The following ARHGEF4 variants were observed in gnomAD, a reference collection of about 807,000 sequenced individuals.
ARHGEF4 encodes Rho guanine nucleotide exchange factor 4, also known as APC-stimulated guanine nucleotide exchange factor 1.
Under a neutral mutation model 162.0 loss-of-function variants are expected in ARHGEF4, and 119 were observed. The observed-to-expected ratio is 0.73, with a 90% CI of 0.63 to 0.86. The LOEUF (loss-of-function observed/expected upper bound fraction) is 0.86, where lower values mean the gene tolerates loss of function less well. ARHGEF4 is among the 40% of genes least tolerant of loss of function. The pLI is 0.00. For synonymous variants in ARHGEF4, 1,014 were observed against 979.9 expected (o/e 1.03, Z -0.65); for missense variants, 2,488 against 2,456.0 (o/e 1.01, Z -0.28).
chr2:130,901,976 G>T (rs1680512587), intron 1 of ARHGEF4, among the ~76,000 whole-genome samples: 1 of 152,114 alleles, frequency 6.6e-6, no homozygotes, highest in Non-Finnish European at 1.5e-5. Flanking sequence ...GTTTTAAGTG[G>T]TTTACCCTGC....
At chr2:130,903,968 A>C (rs1012846791) in intron 1 of ARHGEF4, among the ~76,000 whole-genome samples, 11 of 152,234 alleles carry the variant, frequency 7.2e-5, no homozygotes, top group African/African-American at 2.7e-4. Context: ...GCTATTGTGA[A>C]TAGCACTACA....
At chr2:130,841,413 A>C (rs1460100658) in intron 1 of ARHGEF4, among the ~76,000 whole-genome samples, 1 of 148,776 alleles carries the variant, frequency 6.7e-6, no homozygotes, top group Non-Finnish European at 1.5e-5. Flanking sequence ...TACTACACAC[A>C]TCAGATAGGA....
chr2:131,045,966 T>G (rs1375291342), intron 13 of ARHGEF4, 72 bp from the exon 14 acceptor site: 4 of 1,549,828 alleles, frequency 2.6e-6, no homozygotes, highest in Admixed American at 1.8e-5. Flanking sequence ...ACGGACCCCA[T>G]GCTGTCCCCA....
intron 1 of ARHGEF4, among the ~76,000 whole-genome samples, chr2:130,857,242 AAAAAT>A (rs1681862785): frequency 6.7e-6 from 1 of 149,518 alleles, no homozygotes; most frequent in South Asian, 2.1e-4. Flanking sequence ...AAAAAAATAA[AAAAAT>A]AAAAAAGTTA....
chr2:131,028,186 G>A, intron 5 of ARHGEF4, 102 bp downstream of exon 5: 2 of 1,460,516 alleles, frequency 1.4e-6, no homozygotes, highest in Admixed American at 2.1e-5. Flanking sequence ...CACGTTCCAT[G>A]TGGCTGCTGG....
intron 1 of ARHGEF4, among the ~76,000 whole-genome samples, chr2:130,908,167 G>A (rs894021404): frequency 6.6e-5 from 10 of 151,952 alleles, no homozygotes; most frequent in African/African-American, 1.9e-4. Flanking sequence ...AGATCTTTTG[G>A]CTCCCAGGTT....
chr2:130,959,698 T>C (rs1303466182), intron 4 of ARHGEF4, among the ~76,000 whole-genome samples: 1 of 152,190 alleles, frequency 6.6e-6, no homozygotes, highest in African/African-American at 2.4e-5. Context: ...TTCCTATTTG[T>C]GGATAAGGAG....
chr2:130,964,149 C>G, intron 4 of ARHGEF4: 1 of 984,694 alleles, frequency 1.0e-6, no homozygotes, highest in African/African-American at 1.7e-5. Flanking sequence ...CCGACTCGGA[C>G]AGCAGCGGCG....
At chr2:130,987,681 C>T (rs1037391329) in intron 4 of ARHGEF4, among the ~76,000 whole-genome samples, 3 of 152,162 alleles carry the variant, frequency 2.0e-5, no homozygotes, top group African/African-American at 4.8e-5. Context: ...CCGCACTCGA[C>T]CCAGGAAGTC....
At chr2:130,972,109 C>T (rs537403900) in intron 4 of ARHGEF4, among the ~76,000 whole-genome samples, 29 of 152,298 alleles carry the variant, frequency 1.9e-4, no homozygotes, top group African/African-American at 5.5e-4. Context: ...GGCAAGGCCT[C>T]GGGTTGTATA....
At chr2:130,989,693 GC>G (rs1686811068) in intron 4 of ARHGEF4, among the ~76,000 whole-genome samples, 1 of 152,166 alleles carries the variant, frequency 6.6e-6, no homozygotes, top group South Asian at 2.1e-4. Flanking sequence ...TCACCCTGTA[GC>G]CTCCCTTCCA....
intron 4 of ARHGEF4, among the ~76,000 whole-genome samples, chr2:130,991,677 T>TC (rs1225800141): frequency 6.6e-6 from 1 of 152,216 alleles, no homozygotes; most frequent in East Asian, 1.9e-4. Flanking sequence ...TTAGCTGCCT[T>TC]CCCGCGGGGC....
At chr2:131,000,690 C>G (rs1687703494) in intron 4 of ARHGEF4, among the ~76,000 whole-genome samples, 1 of 151,984 alleles carries the variant, frequency 6.6e-6, no homozygotes, top group South Asian at 2.1e-4. Flanking sequence ...CGTATTTTAT[C>G]TAGGTTTTCA....
At position 131,012,008 on chromosome 2, in the gene ARHGEF4, G is replaced by A. The variant is rs147895284; in HGVS notation, c.3986-15937G>A. 2.8e-4 allele frequency: 192 copies of A among 680,000 alleles called. 1 individual carries two copies. Among genetic ancestry groups the A allele is most frequent in the African/African-American group, 2.6e-3 (150 of 56,618 alleles). The allele number at this position is 680,000 out of a possible 1,614,324, so 42.1% of individuals were successfully genotyped here. A position where few individuals can be genotyped will look rare whatever the true frequency, so the allele number is the denominator to read the frequency against. On this transcript the variant is annotated intron_variant, in intron 4 of 13. Transcript: ENST00000409359. ...TGATAAATATGGATGTGAACTGAAAGAAAGACAGGCGTCAGGATAACCAAA... is the reference window on the plus strand; with the variant it reads ...TGATAAATATGGATGTGAACTGAAAAAAAGACAGGCGTCAGGATAACCAAA...
At chr2:130,917,868 G>T (rs567428524) in intron 2 of ARHGEF4, among the ~76,000 whole-genome samples, 1 of 147,092 alleles carries the variant, frequency 6.8e-6, no homozygotes, top group South Asian at 2.1e-4. Flanking sequence ...TGTCGCCCAG[G>T]CTGGAGTGCA....
At chr2:131,007,261 T>C (rs1688175002) in intron 4 of ARHGEF4, among the ~76,000 whole-genome samples, 2 of 152,216 alleles carry the variant, frequency 1.3e-5, no homozygotes, top group African/African-American at 4.8e-5. Context: ...TCTATCCTTG[T>C]GACTGGAGTC....
At chr2:130,984,841 C>T (rs943117953) in intron 4 of ARHGEF4, among the ~76,000 whole-genome samples, 5 of 152,114 alleles carry the variant, frequency 3.3e-5, no homozygotes, top group African/African-American at 1.2e-4. Context: ...TTCCTTTCTC[C>T]ATCGGTTAGG....
intron 4 of ARHGEF4, among the ~76,000 whole-genome samples, chr2:131,009,657 G>A (rs939355590): frequency 2.0e-5 from 3 of 151,784 alleles, no homozygotes; most frequent in African/African-American, 7.3e-5. Context: ...TTTTTATTTT[G>A]ATACTGTATT....
intron 4 of ARHGEF4, among the ~76,000 whole-genome samples, chr2:130,974,296 A>C (rs973793884): frequency 4.0e-5 from 6 of 151,848 alleles, no homozygotes; most frequent in Non-Finnish European, 8.8e-5. Context: ...AGATAGAAAC[A>C]TGGGCTATCA....
Sources: gnomAD v4.1 joint callset for allele counts (sites outside exome capture counted in the v4.1 genomes callset) on GRCh38, gnomAD v4.1.1 for gene constraint, MANE v1.5 for transcripts, NCBI Gene and HGNC (gene_info 2026-07-23, HGNC 2026-07-21) for gene names.